The following SAAL1 variants were observed in gnomAD, a reference collection of about 807,000 sequenced individuals.
SAAL1 encodes serum amyloid A like 1, also known as protein SAAL1.
A neutral mutation model predicts 59.8 loss-of-function variants in SAAL1; 42 were observed. The observed-to-expected ratio is 0.70, with a 90% CI of 0.55 to 0.91. SAAL1 has a LOEUF of 0.91. SAAL1 is among the 40% of genes least tolerant of loss of function. SAAL1 has a pLI of 0.00. For synonymous variants in SAAL1, 191 were observed against 194.3 expected (o/e 0.98, Z 0.14); for missense variants, 542 against 561.1 (o/e 0.97, Z 0.34).
At chr11:18,089,650 T>C in intron 6 of SAAL1, 140 bp from the exon 7 acceptor site, 1 of 666,862 alleles carries the variant, frequency 1.5e-6, no homozygotes, top group Admixed American at 3.9e-5. Flanking sequence ...TACTTATCTT[T>C]TATGTTTAAA....
rs554896557 is a variant in SAAL1, at chr11:18,086,268, G to A, written c.1042+598C>T. Among the ~76,000 whole-genome samples, 89 of 152,084 alleles carry A rather than the reference G, an allele frequency of 5.9e-4. 2 individuals carry two copies. In the East Asian group the frequency reaches 0.012, roughly 20 times the overall value. The stretch of plus-strand genomic sequence containing the variant: ...TATTTAAAAACTAGCCAGGTGTGGC[G>A]TCATGTGCCTGTAGTCCCAGCTACT... On this transcript the variant is annotated intron_variant, in intron 9 of 11. Coordinates refer to ENST00000524803, the MANE Select transcript of SAAL1 (RefSeq NM_138421.3).
intron 11 of SAAL1, among the ~76,000 whole-genome samples, chr11:18,080,816 T>C (rs1256236029): frequency 1.3e-5 from 2 of 152,220 alleles, no homozygotes; most frequent in Admixed American, 1.3e-4. Context: ...GTGATGTCAT[T>C]TGAAGAACCA....
chr11:18,103,240 A>C lies in SAAL1; in HGVS notation c.242T>G (p.Met81Arg), dbSNP rs201028896. 9 of 1,606,376 alleles carry C rather than the reference A, an allele frequency of 5.6e-6. No homozygotes were observed. The East Asian group carries it at 2.0e-4, about 36-fold the overall frequency. Residue 81 changes from methionine to arginine, a missense_variant, in exon 2 of 12, where the codon ATG (methionine) becomes AGG (arginine). Transcript: ENST00000524803. ...TTGTTTCCAGCCTCATACCTCATCC[A>C]TTGACATATCCCATACTCTGCAAAT... ...NEICRVWDMS[M>R]DEDVALFLQE...
chr11:18,081,106 G>C lies in SAAL1; in HGVS notation c.1332+305C>G, dbSNP rs556136116. 2.1e-4 allele frequency among the ~76,000 whole-genome samples: 32 copies of C among 152,236 alleles called. 1 individual carries two copies. The highest frequency in any genetic ancestry group is 3.4e-3 in the Middle Eastern group (1 of 294). On this transcript the variant is annotated intron_variant, in intron 11 of 11. Coordinates refer to ENST00000524803, the MANE Select transcript of SAAL1 (RefSeq NM_138421.3). ...ACCTGTTACCCAGGCAGTGAGCTTA[G>C]TACCCAATAGGTAGTTTTTCAGCCC...
At chr11:18,099,105 T>C (rs562544183) in intron 2 of SAAL1, among the ~76,000 whole-genome samples, 36 of 152,342 alleles carry the variant, frequency 2.4e-4, no homozygotes, top group African/African-American at 8.4e-4. Flanking sequence ...GCCTATGGTC[T>C]TGTTTTTTAA....
At chr11:18,083,198 A>G (rs1201075153) in intron 10 of SAAL1, 2 of 51,918 alleles carry the variant, frequency 3.9e-5, no homozygotes, top group African/African-American at 1.5e-4. Context: ...GGCTCTCAGT[A>G]AAAAAGTCTT....
In SAAL1 at chr11:18,087,197, A is replaced by G; in HGVS notation, c.799T>C (p.Tyr267His). The change falls in exon 8 of 12, where the codon TAC becomes CAC. Residue 267 changes from tyrosine (Y) to histidine (H), a missense_variant. Physicochemically the swap from Tyr to His is moderately conservative, Grantham distance 83. Transcript: ENST00000524803. Reference sequence around the variant, plus strand: ...GTAAGCAGTTGTAAAATGTGCATGTAAACATCAAGCCATTCTGGATTTTCA... The same window carrying G: ...GTAAGCAGTTGTAAAATGTGCATGTGAACATCAAGCCATTCTGGATTTTCA... Reference protein sequence around the residue: ...RSENPEWLDVYMHILQLLTTV... With the variant: ...RSENPEWLDVHMHILQLLTTV... The G allele has an allele frequency of 6.2e-7, 1 of 1,613,250 alleles. No homozygotes were observed.
rs1848512862 is a variant in SAAL1, at chr11:18,090,498, A to G, written c.414-5T>C. On this transcript the variant is annotated splice_region_variant and splice_polypyrimidine_tract_variant and intron_variant, in intron 4 of 11. Transcript: ENST00000524803. ...AAACAGTGCAATAACACCTGCCTACAAAAACAAAGAAGTTAACCGATATGC... is the reference window on the plus strand; with the variant it reads ...AAACAGTGCAATAACACCTGCCTACGAAAACAAAGAAGTTAACCGATATGC... 1 of 1,602,048 alleles carries G rather than the reference A, an allele frequency of 6.2e-7. No individual in the cohort carries two copies. Among genetic ancestry groups the G allele is most frequent in the Non-Finnish European group, 8.5e-7 (1 of 1,176,842 alleles).
In SAAL1 at chr11:18,080,362, G is replaced by A; in HGVS notation, c.*37C>T. ...TTCAACTGTCAGTGAGAAAAATAAA[G>A]TTTATTTCTTGTACAGAAGTAATTC... On this transcript the variant is annotated 3_prime_UTR_variant, in exon 12 of 12. Transcript: ENST00000524803. The A allele has an allele frequency of 7.7e-7, 1 of 1,295,750 alleles. No homozygotes were observed. Among genetic ancestry groups the A allele is most frequent in the South Asian group, 1.3e-5 (1 of 76,978 alleles). 80.3% of individuals were successfully genotyped at this position (1,295,750 alleles called of 1,614,324 possible).
chr11:18,084,955 A>G lies in SAAL1; in HGVS notation c.1043-1224T>C, dbSNP rs557624083. On this transcript the variant is annotated intron_variant, in intron 9 of 11. Transcript: ENST00000524803. The stretch of plus-strand genomic sequence containing the variant: ...TAATTTTTGTATTTTTAGCAGAGAC[A>G]GGGTTTCACCATGTTAGCCAGACTG... 1.1e-4 allele frequency among the ~76,000 whole-genome samples: 16 copies of G among 152,272 alleles called. No homozygotes were observed. In the East Asian group the frequency reaches 2.9e-3, roughly 28 times the overall value.
intron 4 of SAAL1, among the ~76,000 whole-genome samples, chr11:18,091,296 T>C (rs1848521216): frequency 6.6e-6 from 1 of 152,208 alleles, no homozygotes; most frequent in East Asian, 1.9e-4. Flanking sequence ...GCAATATAAA[T>C]TGCACCACAC....
intron 10 of SAAL1, among the ~76,000 whole-genome samples, chr11:18,082,174 C>A (rs1171549031): frequency 6.6e-6 from 1 of 151,798 alleles, no homozygotes; most frequent in Non-Finnish European, 1.5e-5. Context: ...GTCCCTTGCT[C>A]CAAAAAACAG....
intron 2 of SAAL1, among the ~76,000 whole-genome samples, chr11:18,101,841 C>G (rs1354843992): frequency 1.4e-5 from 2 of 142,098 alleles, no homozygotes; most frequent in African/African-American, 5.0e-5. Flanking sequence ...AAAAAAGCCA[C>G]TGATATACAC....
chr11:18,081,659 C>A lies in SAAL1; in HGVS notation c.1240-156G>T, dbSNP rs1848411274. On this transcript the variant is annotated intron_variant, in intron 10 of 11. Transcript: ENST00000524803. ...CCAACATCAAGGAGGCTTATGTAAC[C>A]CAAACATGTTCTCCACTGTCGTCTT... 1.3e-5 allele frequency: 8 copies of A among 613,944 alleles called. No individual in the cohort carries two copies. The South Asian group carries it at 1.6e-4, about 12-fold the overall frequency. The allele number at this position is 613,944 out of a possible 1,614,324, so 38.0% of individuals were successfully genotyped here. A position where few individuals can be genotyped will look rare whatever the true frequency, so the allele number is the denominator to read the frequency against.
intron 4 of SAAL1, 156 bp from the exon 5 acceptor site, chr11:18,090,649 GCAAA>G: frequency 1.2e-6 from 1 of 806,150 alleles, no homozygotes; most frequent in Non-Finnish European, 1.8e-6. Flanking sequence ...TAATTATAAA[GCAAA>G]CACTCGTGTT....
chr11:18,084,422 A>C (rs1848440973), intron 9 of SAAL1, among the ~76,000 whole-genome samples: 2 of 152,174 alleles, frequency 1.3e-5, no homozygotes, highest in African/African-American at 4.8e-5. Context: ...TCAGAGGAAA[A>C]GGCAACATCA....
In SAAL1 at chr11:18,089,502, G is replaced by C; in HGVS notation, c.598C>G (p.Leu200Val). Reference sequence around the variant, plus strand: ...TCCACAACCTCCCCCACCTTCACCAGCAAGTCAACTGCAGAGAATAAAACA... The same window carrying C: ...TCCACAACCTCCCCCACCTTCACCACCAAGTCAACTGCAGAGAATAAAACA... ...IMSSSTNVDL[L>V]VKVGEVVDKL... The change falls in exon 7 of 12, where the codon CTG becomes GTG. Residue 200 changes from leucine to valine, a missense_variant. By Grantham distance (32) the Leu-to-Val change is conservative (BLOSUM62 1). Coordinates refer to ENST00000524803, the MANE Select transcript of SAAL1 (RefSeq NM_138421.3). 6.2e-7 allele frequency: 1 copy of C among 1,610,166 alleles called. No individual in the cohort carries two copies. Among genetic ancestry groups the C allele is most frequent in the Non-Finnish European group, 8.5e-7 (1 of 1,178,788 alleles).
chr11:18,090,547 C>G (rs900187781), intron 4 of SAAL1, 54 bp from the exon 5 acceptor site: 39 of 1,556,858 alleles, frequency 2.5e-5, no homozygotes, highest in Non-Finnish European at 3.1e-5. Context: ...TTTAAAATAT[C>G]AGAGTTTTCA....
In SAAL1 at chr11:18,096,825, A is replaced by G; in HGVS notation, c.279T>C (p.Asn93=). Reference sequence around the variant, plus strand: ...GTACTCCCATGAATATATCAGGAGCATTAAATTCTTGGAGAAATAAAGCCA... The same window carrying G: ...GTACTCCCATGAATATATCAGGAGCGTTAAATTCTTGGAGAAATAAAGCCA... The part of the protein sequence containing the change: ...EDVALFLQEF[N]APDIFMGVLA... Residue 93 remains asparagine, a synonymous_variant, in exon 3 of 12, where the codon AAT becomes AAC. Coordinates refer to ENST00000524803, the MANE Select transcript of SAAL1 (RefSeq NM_138421.3). 1 of 1,582,110 alleles carries G rather than the reference A, an allele frequency of 6.3e-7. No homozygotes were observed. Among genetic ancestry groups the G allele is most frequent in the Non-Finnish European group, 8.6e-7 (1 of 1,161,866 alleles).
Sources: allele counts gnomAD v4.1 joint callset (sites outside exome capture counted in the v4.1 genomes callset), GRCh38; gene constraint gnomAD v4.1.1; transcripts MANE v1.5; gene names NCBI Gene and HGNC (gene_info 2026-07-23, HGNC 2026-07-21).